CHRM3: variants seen among roughly 807,000 people sequenced by gnomAD.
CHRM3 encodes muscarinic acetylcholine receptor M3.
In CHRM3, 11 loss-of-function variants were observed where a neutral mutation model predicts 41.8. That is an observed-to-expected ratio of 0.26 (90% CI 0.17 to 0.44). The LOEUF (loss-of-function observed/expected upper bound fraction) is 0.44. Ranked by LOEUF, CHRM3 falls within the 20% of genes least tolerant of loss-of-function variation. The pLI is 1.00. For missense variants in CHRM3, 571 were observed against 745.4 expected (o/e 0.77, Z 2.72); for synonymous variants, 297 against 301.4 (o/e 0.99, Z 0.15).
chr1:239,529,423 C>A (rs776847419), intron 2 of CHRM3, among the ~76,000 whole-genome samples: 1 of 151,976 alleles, frequency 6.6e-6, no homozygotes, highest in Non-Finnish European at 1.5e-5. Flanking sequence ...ACCAGCCTGA[C>A]CAACATGGTG....
intron 3 of CHRM3, among the ~76,000 whole-genome samples, chr1:239,570,377 A>C (rs999324550): frequency 6.6e-6 from 1 of 152,172 alleles, no homozygotes; most frequent in African/African-American, 2.4e-5. Context: ...TAAATTACCC[A>C]GTCTCGGGTA....
rs577759557 is a variant in CHRM3 at position 239,726,484 on chromosome 1, T to C, written c.-147+48196T>C. ...TGAAAAAACCTGATGTTCATTTGCC[T>C]CGTGGCTGGGTTTAAGCATAACATA... On this transcript the variant is annotated intron_variant, in intron 5 of 6. Transcript: ENST00000676153. Among the ~76,000 whole-genome samples, 10 of 152,096 alleles carry C rather than the reference T, an allele frequency of 6.6e-5. No individual in the cohort carries two copies. In the South Asian group the frequency reaches 8.3e-4, roughly 13 times the overall value.
At chr1:239,413,273 T>C (rs1220673764) in intron 1 of CHRM3, among the ~76,000 whole-genome samples, 1 of 152,002 alleles carries the variant, frequency 6.6e-6, no homozygotes, top group Non-Finnish European at 1.5e-5. Flanking sequence ...ATTCAAATCA[T>C]GTATTGGTGC....
At chr1:239,765,960 G>A (rs1667171069) in intron 5 of CHRM3, among the ~76,000 whole-genome samples, 1 of 151,894 alleles carries the variant, frequency 6.6e-6, no homozygotes, top group African/African-American at 2.4e-5. Flanking sequence ...GGGATTACAG[G>A]TGCACACCAC....
At chr1:239,422,546 A>G (rs1363339106) in intron 1 of CHRM3, among the ~76,000 whole-genome samples, 3 of 152,196 alleles carry the variant, frequency 2.0e-5, no homozygotes, top group African/African-American at 7.2e-5. Flanking sequence ...CTGTAATCCC[A>G]GCACTTTGGG....
At chr1:239,404,466 GAA>G (rs772654805) in intron 1 of CHRM3, among the ~76,000 whole-genome samples, 1,842 of 123,044 alleles carry the variant, frequency 0.015, 150 homozygotes, top group South Asian at 0.019. Context: ...AAGAAAGAAA[GAA>G]AAAGAAAGAA....
chr1:239,536,089 T>A (rs1390960362), intron 2 of CHRM3, among the ~76,000 whole-genome samples: 2 of 152,300 alleles, frequency 1.3e-5, no homozygotes, highest in Admixed American at 1.3e-4. Context: ...CTTAAAGATG[T>A]TGCCCCAAAT....
At chr1:239,457,977 C>T (rs74149074) in intron 1 of CHRM3, among the ~76,000 whole-genome samples, 10,030 of 151,988 alleles carry the variant, frequency 0.066, 605 homozygotes, top group African/African-American at 0.17. Flanking sequence ...AATTTGTGGG[C>T]TTCAATTCAG....
intron 3 of CHRM3, among the ~76,000 whole-genome samples, chr1:239,578,402 G>T (rs1020037840): frequency 6.6e-6 from 1 of 152,000 alleles, no homozygotes; most frequent in Non-Finnish European, 1.5e-5. Flanking sequence ...CAGAAAAATT[G>T]TCATCTTATT....
chr1:239,470,318 C>T (rs1361528802), intron 1 of CHRM3, among the ~76,000 whole-genome samples: 1 of 152,102 alleles, frequency 6.6e-6, no homozygotes, highest in African/African-American at 2.4e-5. Context: ...CAGAAGAAAC[C>T]ACTACTGCCC....
chr1:239,567,336 G>A (rs567769590), intron 3 of CHRM3, among the ~76,000 whole-genome samples: 170 of 150,192 alleles, frequency 1.1e-3, no homozygotes, highest in Non-Finnish European at 1.8e-3. Flanking sequence ...TCCAAACACT[G>A]GTAAGCTCTC....
intron 3 of CHRM3, among the ~76,000 whole-genome samples, chr1:239,601,718 G>A (rs1558360388): frequency 6.6e-6 from 1 of 152,030 alleles, no homozygotes; most frequent in African/African-American, 2.4e-5. Context: ...CTCAACAAAC[G>A]GATAAATGGT....
chr1:239,677,265 A>C (rs560391386), intron 4 of CHRM3, among the ~76,000 whole-genome samples: 5 of 152,216 alleles, frequency 3.3e-5, no homozygotes, highest in Non-Finnish European at 7.3e-5. Flanking sequence ...TTAATATTTT[A>C]ACCCAATACC....
At chr1:239,460,261 C>A (rs777068911) in intron 1 of CHRM3, among the ~76,000 whole-genome samples, 4 of 152,076 alleles carry the variant, frequency 2.6e-5, no homozygotes, top group African/African-American at 7.2e-5. Context: ...AAGAGTGGAC[C>A]TTTTGTACTT....
At chr1:239,454,609 C>G (rs1664788219) in intron 1 of CHRM3, among the ~76,000 whole-genome samples, 1 of 152,054 alleles carries the variant, frequency 6.6e-6, no homozygotes, top group African/African-American at 2.4e-5. Flanking sequence ...ATCTTCTAAT[C>G]ACACACTGGG....
At chr1:239,766,802 C>T (rs1438891200) in intron 5 of CHRM3, among the ~76,000 whole-genome samples, 9 of 152,134 alleles carry the variant, frequency 5.9e-5, no homozygotes, top group Non-Finnish European at 1.0e-4. Context: ...ACCTTCATCT[C>T]GTGGGTTCTA....
intron 3 of CHRM3, among the ~76,000 whole-genome samples, chr1:239,578,033 G>A (rs1365971012): frequency 1.3e-5 from 2 of 152,158 alleles, no homozygotes; most frequent in African/African-American, 4.8e-5. Context: ...GGTCAATGCT[G>A]TAAGCCTCAA....
intron 1 of CHRM3, among the ~76,000 whole-genome samples, chr1:239,440,476 T>G (rs992334055): frequency 6.6e-6 from 1 of 152,126 alleles, no homozygotes; most frequent in African/African-American, 2.4e-5. Flanking sequence ...TTATTATTTT[T>G]TAATTAAAAT....
At chr1:239,535,122 A>G (rs1658067674) in intron 2 of CHRM3, among the ~76,000 whole-genome samples, 1 of 152,148 alleles carries the variant, frequency 6.6e-6, no homozygotes, top group African/African-American at 2.4e-5. Flanking sequence ...CTTTGATCAG[A>G]ACCTCAGAAG....
Sources: allele counts gnomAD v4.1 joint callset (sites outside exome capture counted in the v4.1 genomes callset), GRCh38; gene constraint gnomAD v4.1.1; transcripts MANE v1.5; gene names NCBI Gene and HGNC (gene_info 2026-07-23, HGNC 2026-07-21).